ASIC2: variants seen among roughly 807,000 people sequenced by gnomAD.
ASIC2 encodes the protein acid-sensing ion channel 2.
In ASIC2, 25 loss-of-function variants were observed where a neutral mutation model predicts 57.3. That is an observed-to-expected ratio of 0.44 (90% CI 0.32 to 0.61). The LOEUF (loss-of-function observed/expected upper bound fraction) is 0.61, where lower values mean the gene tolerates loss of function less well. ASIC2 is among the 20% of genes least tolerant of loss of function. The pLI, the probability that ASIC2 is intolerant of heterozygous loss-of-function variation, is 0.06. For synonymous variants in ASIC2, 319 were observed against 307.5 expected (o/e 1.04, Z -0.39); for missense variants, 641 against 738.1 (o/e 0.87, Z 1.52).
intron 1 of ASIC2, among the ~76,000 whole-genome samples, chr17:33,801,416 G>A (rs1470474165): frequency 6.6e-6 from 1 of 152,110 alleles, no homozygotes; most frequent in African/African-American, 2.4e-5. Context: ...TGTCTGATCT[G>A]ACATGACCTG....
chr17:33,305,515 C>T lies in ASIC2; in HGVS notation c.556-193448G>A, dbSNP rs1948606. Among the ~76,000 whole-genome samples the T allele has an allele frequency of 2.2e-3, 338 of 152,216 alleles. 1 individual carries two copies. The highest frequency in any genetic ancestry group is 7.7e-3 in the African/African-American group (319 of 41,536). The stretch of plus-strand genomic sequence containing the variant: ...TGGTAGCTAGAATGTATAGCCAACA[C>T]CTGACAACAAAGAAGGCAAAACAAC... On this transcript the variant is annotated intron_variant, in intron 1 of 9. Coordinates refer to the ASIC2 transcript ENST00000359872.
intron 1 of ASIC2, among the ~76,000 whole-genome samples, chr17:33,624,495 G>A (rs997489972): frequency 8.5e-5 from 13 of 152,206 alleles, no homozygotes; most frequent in Admixed American, 7.2e-4. Flanking sequence ...GACAAGTCAC[G>A]TTTTCTCCTT....
chr17:33,459,240 A>G (rs145256590), intron 1 of ASIC2, among the ~76,000 whole-genome samples: 30 of 151,914 alleles, frequency 2.0e-4, no homozygotes, highest in African/African-American at 4.4e-4. Flanking sequence ...CTACCTGTCC[A>G]CGACGGGGTC....
chr17:34,013,360 C>G (rs1906839081), intron 1 of ASIC2, among the ~76,000 whole-genome samples: 3 of 152,222 alleles, frequency 2.0e-5, no homozygotes, highest in Non-Finnish European at 4.4e-5. Context: ...GGCCCACCCC[C>G]TTCCAGGTCC....
At chr17:33,520,181 AT>A (rs1371808899) in intron 1 of ASIC2, among the ~76,000 whole-genome samples, 1 of 152,152 alleles carries the variant, frequency 6.6e-6, no homozygotes, top group Non-Finnish European at 1.5e-5. Context: ...TAATAAATGC[AT>A]TGTAGTCACA....
chr17:33,962,064 C>T (rs768425499), intron 1 of ASIC2, among the ~76,000 whole-genome samples: 29 of 152,130 alleles, frequency 1.9e-4, no homozygotes, highest in Non-Finnish European at 3.8e-4. Flanking sequence ...GCACACTTGC[C>T]GCCATGTGTT....
intron 1 of ASIC2, among the ~76,000 whole-genome samples, chr17:33,448,306 G>A (rs531511060): frequency 6.2e-4 from 95 of 152,220 alleles, no homozygotes; most frequent in Non-Finnish European, 9.8e-4. Flanking sequence ...AATACTTGAC[G>A]GCTGTTTAGT....
intron 1 of ASIC2, among the ~76,000 whole-genome samples, chr17:33,798,548 C>T (rs1048977701): frequency 3.9e-5 from 6 of 152,146 alleles, no homozygotes; most frequent in East Asian, 3.9e-4. Flanking sequence ...CTCTGTGGAG[C>T]GCAGCAGCTC....
Position 33,848,512 on chromosome 17 carries a change from G to A in ASIC2, c.555+307466C>T, listed in dbSNP as rs1913675626. ...CTGGTGCCCTCCCTGCTTCAAAAGG[G>A]CCAAGCTTTAGAGGCTCTCATGCCC... On this transcript the variant is annotated intron_variant, in intron 1 of 9. Coordinates refer to the ASIC2 transcript ENST00000359872. Among the ~76,000 whole-genome samples, 3 of 152,138 alleles carry A rather than the reference G, an allele frequency of 2.0e-5. No individual in the cohort carries two copies. The South Asian group carries it at 6.2e-4, about 32-fold the overall frequency.
intron 1 of ASIC2, among the ~76,000 whole-genome samples, chr17:33,505,616 C>T (rs1914224699): frequency 6.6e-6 from 1 of 152,220 alleles, no homozygotes; most frequent in African/African-American, 2.4e-5. Flanking sequence ...ATTGCAAAGA[C>T]CCTCTGTGAT....
At chr17:33,185,390 C>T (rs912941059) in intron 1 of ASIC2, among the ~76,000 whole-genome samples, 1 of 152,040 alleles carries the variant, frequency 6.6e-6, no homozygotes, top group African/African-American at 2.4e-5. Context: ...TTGGTGCACA[C>T]GGTAAAGAAT....
At chr17:33,891,844 C>A (rs1733990186) in intron 1 of ASIC2, among the ~76,000 whole-genome samples, 1 of 152,192 alleles carries the variant, frequency 6.6e-6, no homozygotes, top group Non-Finnish European at 1.5e-5. Context: ...CATCCCACAG[C>A]AAACAAATTA....
intron 1 of ASIC2, among the ~76,000 whole-genome samples, chr17:33,208,585 C>T (rs1459551372): frequency 6.6e-6 from 1 of 152,158 alleles, no homozygotes; most frequent in Non-Finnish European, 1.5e-5. Context: ...GGTTGGTTTG[C>T]TGACCAACAA....
At chr17:33,053,668 T>C (rs1395163888) in intron 3 of ASIC2, among the ~76,000 whole-genome samples, 3 of 152,176 alleles carry the variant, frequency 2.0e-5, no homozygotes, top group Non-Finnish European at 4.4e-5. Flanking sequence ...CATCATCCTC[T>C]CTGGTAAAAT....
intron 1 of ASIC2, among the ~76,000 whole-genome samples, chr17:33,345,134 T>A (rs1907893181): frequency 6.6e-6 from 1 of 152,228 alleles, no homozygotes; most frequent in African/African-American, 2.4e-5. Flanking sequence ...TTAGTAAGTG[T>A]CCATTTGCAT....
At chr17:34,009,152 T>G (rs537422116) in intron 1 of ASIC2, among the ~76,000 whole-genome samples, 1 of 151,596 alleles carries the variant, frequency 6.6e-6, no homozygotes, top group South Asian at 2.1e-4. Context: ...AAAATGGGAG[T>G]CCTATTCGAC....
intron 1 of ASIC2, among the ~76,000 whole-genome samples, chr17:33,654,744 T>A (rs1907026309): frequency 6.6e-6 from 1 of 152,194 alleles, no homozygotes; most frequent in Non-Finnish European, 1.5e-5. Flanking sequence ...TGAAGTACAA[T>A]TCAGAAGAAG....
At chr17:34,149,945 T>C (rs1284468651) in intron 1 of ASIC2, among the ~76,000 whole-genome samples, 7 of 152,230 alleles carry the variant, frequency 4.6e-5, no homozygotes, top group Admixed American at 2.6e-4. Context: ...CTCCCATGTT[T>C]ATTGCAGCAC....
chr17:33,877,160 T>C (rs1362958228), intron 1 of ASIC2, among the ~76,000 whole-genome samples: 2 of 152,164 alleles, frequency 1.3e-5, no homozygotes, highest in African/African-American at 2.4e-5. Context: ...GATGGCCGAA[T>C]AGGAGCTCCA....
Sources: allele counts gnomAD v4.1 joint callset (sites outside exome capture counted in the v4.1 genomes callset), GRCh38; gene constraint gnomAD v4.1.1; transcripts MANE v1.5; gene names NCBI Gene and HGNC (gene_info 2026-07-23, HGNC 2026-07-21).